Variants in EYA4 observed in about 807,000 individuals in gnomAD.
EYA4 encodes the protein protein phosphatase EYA4.
In EYA4, 31 loss-of-function variants were observed where a neutral mutation model predicts 87.9. The observed-to-expected ratio is 0.35, with a 90% CI of 0.27 to 0.48. The LOEUF (loss-of-function observed/expected upper bound fraction) is 0.48. EYA4 is among the 20% of genes least tolerant of loss of function. The pLI, the probability that EYA4 is intolerant of heterozygous loss-of-function variation, is 0.99. For synonymous variants in EYA4, 263 were observed against 270.6 expected (o/e 0.97, Z 0.28); for missense variants, 678 against 761.4 (o/e 0.89, Z 1.29).
intron 1 of EYA4, among the ~76,000 whole-genome samples, chr6:133,271,524 A>G (rs1373804494): frequency 1.3e-5 from 2 of 152,196 alleles, no homozygotes; most frequent in African/African-American, 4.8e-5. Context: ...TATTCCAGTG[A>G]GGACAAACCT....
chr6:133,251,777 C>G (rs1354307423), intron 1 of EYA4, among the ~76,000 whole-genome samples: 1 of 152,120 alleles, frequency 6.6e-6, no homozygotes, highest in Non-Finnish European at 1.5e-5. Flanking sequence ...AAAATTGCCT[C>G]TTCTTGAGAA....
intron 17 of EYA4, among the ~76,000 whole-genome samples, chr6:133,521,274 A>AC (rs1800104633): frequency 1.3e-5 from 2 of 149,292 alleles, no homozygotes; most frequent in African/African-American, 2.5e-5. Flanking sequence ...ACAAGAAAAA[A>AC]ACAAACAACC....
At chr6:133,273,938 AAG>A (rs923859267) in intron 1 of EYA4, among the ~76,000 whole-genome samples, 58 of 151,980 alleles carry the variant, frequency 3.8e-4, no homozygotes, top group African/African-American at 1.3e-3. Flanking sequence ...TGTGTTTTAA[AAG>A]AGAGAGCAAG....
At chr6:133,458,734 C>A (rs1201789858) in intron 6 of EYA4, among the ~76,000 whole-genome samples, 2 of 152,120 alleles carry the variant, frequency 1.3e-5, no homozygotes, top group Non-Finnish European at 2.9e-5. Context: ...TTCTCACCCC[C>A]ACCCACTTCT....
chr6:133,412,179 G>A (rs540754038), intron 3 of EYA4, among the ~76,000 whole-genome samples: 2 of 152,344 alleles, frequency 1.3e-5, no homozygotes, highest in Admixed American at 1.3e-4. Flanking sequence ...TTTAGACAAA[G>A]ATAATATATA....
In EYA4 at chr6:133,395,622, G is replaced by T. The variant is rs369626602; in HGVS notation, c.83+13181G>T. Among the ~76,000 whole-genome samples, 13 of 152,186 alleles carry T rather than the reference G, an allele frequency of 8.5e-5. No homozygotes were observed. The South Asian group carries it at 1.2e-3, about 15-fold the overall frequency. ...TAAAAATACAAAAAATTAGCCAGGC[G>T]TGGTGTTGCGTGCCTGTAGTCCCTG... On this transcript the variant is annotated intron_variant, in intron 3 of 19. Coordinates refer to ENST00000355286, the MANE Select transcript of EYA4 (RefSeq NM_004100.5).
intron 19 of EYA4, among the ~76,000 whole-genome samples, chr6:133,528,328 T>C (rs1800799326): frequency 6.6e-6 from 1 of 152,178 alleles, no homozygotes; most frequent in Admixed American, 6.6e-5. Flanking sequence ...TGTTTCATTT[T>C]ATTTTTAATT....
rs1026835835 is a variant in EYA4 at position 133,518,064 on chromosome 6, G to A, written c.1616+2629G>A. ...GTCCTCTGTAATTGGTGACAAGAGA[G>A]ACCAAATGTCAGGGACGCTGGAGCA... On this transcript the variant is annotated intron_variant, in intron 17 of 19. Transcript: ENST00000355286. Among the ~76,000 whole-genome samples the A allele has an allele frequency of 2.0e-5, 3 of 152,160 alleles. No homozygotes were observed. The East Asian group carries it at 5.8e-4, about 29-fold the overall frequency.
At chr6:133,394,006 T>C (rs1381760250) in intron 3 of EYA4, among the ~76,000 whole-genome samples, 1 of 152,234 alleles carries the variant, frequency 6.6e-6, no homozygotes, top group East Asian at 1.9e-4. Flanking sequence ...TATCTTACAT[T>C]TAATCATCAC....
chr6:133,351,880 T>C (rs571894125), intron 2 of EYA4, among the ~76,000 whole-genome samples: 20 of 152,144 alleles, frequency 1.3e-4, no homozygotes, highest in African/African-American at 4.8e-4. Context: ...AGCTACATGG[T>C]GCCAAATTTG....
chr6:133,409,397 C>T (rs1223043826), intron 3 of EYA4, among the ~76,000 whole-genome samples: 1 of 151,534 alleles, frequency 6.6e-6, no homozygotes. Context: ...CATGGATGAA[C>T]CTGGAGGACA....
chr6:133,338,190 C>T (rs747008438), intron 2 of EYA4, among the ~76,000 whole-genome samples: 5 of 151,758 alleles, frequency 3.3e-5, no homozygotes, highest in African/African-American at 9.7e-5. Flanking sequence ...ATATTTCTAC[C>T]GCAAGTAATA....
chr6:133,473,772 C>T (rs1795483677), intron 11 of EYA4, among the ~76,000 whole-genome samples: 1 of 151,900 alleles, frequency 6.6e-6, no homozygotes, highest in Non-Finnish European at 1.5e-5. Context: ...GGTATCTGTA[C>T]CCCTTGCAGG....
At chr6:133,393,779 C>A (rs1394049377) in intron 3 of EYA4, among the ~76,000 whole-genome samples, 1 of 152,152 alleles carries the variant, frequency 6.6e-6, no homozygotes, top group East Asian at 1.9e-4. Context: ...TGGGGCTGAT[C>A]CCCAACCAGG....
intron 7 of EYA4, 143 bp downstream of exon 7, chr6:133,461,323 T>A: frequency 1.4e-6 from 1 of 697,166 alleles, no homozygotes; most frequent in East Asian, 2.7e-5. Context: ...CCCACATGTA[T>A]CTTGATGATT....
chr6:133,345,867 G>T (rs1425117136), intron 2 of EYA4, among the ~76,000 whole-genome samples: 1 of 152,198 alleles, frequency 6.6e-6, no homozygotes, highest in African/African-American at 2.4e-5. Context: ...ACACTGCTAT[G>T]CAGTGCTTAA....
chr6:133,299,915 A>T (rs1779245850), intron 2 of EYA4, among the ~76,000 whole-genome samples: 1 of 141,170 alleles, frequency 7.1e-6, no homozygotes, highest in Non-Finnish European at 1.5e-5. Flanking sequence ...ACATATGTAT[A>T]TATAAAGATC....
chr6:133,456,026 C>T (rs1249014924), intron 5 of EYA4, among the ~76,000 whole-genome samples: 1 of 152,094 alleles, frequency 6.6e-6, no homozygotes, highest in African/African-American at 2.4e-5. Context: ...AAGTATGAAG[C>T]CCAACACCTT....
intron 2 of EYA4, among the ~76,000 whole-genome samples, chr6:133,275,973 A>G (rs1190051582): frequency 6.6e-6 from 1 of 152,218 alleles, no homozygotes; most frequent in Non-Finnish European, 1.5e-5. Flanking sequence ...AGAAATGGCT[A>G]TGGGAAGGCA....
Sources: gnomAD v4.1 joint callset for allele counts (sites outside exome capture counted in the v4.1 genomes callset) on GRCh38, gnomAD v4.1.1 for gene constraint, MANE v1.5 for transcripts, NCBI Gene and HGNC (gene_info 2026-07-23, HGNC 2026-07-21) for gene names.